PLEKHA7: variants seen among roughly 807,000 people sequenced by gnomAD.
PLEKHA7 encodes the protein pleckstrin homology domain-containing family A member 7.
Under a neutral mutation model 170.0 loss-of-function variants are expected in PLEKHA7, and 104 were observed. The ratio of observed to expected loss-of-function variants is 0.61; its 90% CI spans 0.52 to 0.72. The LOEUF is 0.72. PLEKHA7 is among the 30% of genes least tolerant of loss of function. PLEKHA7 has a pLI of 0.00. For synonymous variants in PLEKHA7, 648 were observed against 660.8 expected (o/e 0.98, Z 0.30); for missense variants, 1,615 against 1,671.7 (o/e 0.97, Z 0.59).
intron 3 of PLEKHA7, among the ~76,000 whole-genome samples, chr11:16,901,671 C>G (rs1857347990): frequency 6.6e-6 from 1 of 152,016 alleles, no homozygotes; most frequent in African/African-American, 2.4e-5. Flanking sequence ...GAGTTCAAGC[C>G]CAGCCTGGAC....
At chr11:16,853,781 G>A (rs966437312) in intron 6 of PLEKHA7, among the ~76,000 whole-genome samples, 1 of 152,142 alleles carries the variant, frequency 6.6e-6, no homozygotes, top group Non-Finnish European at 1.5e-5. Flanking sequence ...CACAAGAGAC[G>A]GTGGTACCAG....
At chr11:16,974,296 CTT>C (rs56340937) in intron 3 of PLEKHA7, among the ~76,000 whole-genome samples, 152 of 134,688 alleles carry the variant, frequency 1.1e-3, no homozygotes, top group Admixed American at 1.4e-3. Context: ...TCAGAGAATT[CTT>C]TTTTTTTTTT....
In PLEKHA7 at chr11:17,014,366, A is replaced by G. The variant is rs1483443946; in HGVS notation, c.36T>C (p.Pro12=). The G allele has an allele frequency of 8.6e-6, 12 of 1,398,282 alleles. No homozygotes were observed. Among genetic ancestry groups the G allele is most frequent in the Non-Finnish European group, 1.1e-5 (12 of 1,065,532 alleles). 86.6% of individuals were successfully genotyped at this position (1,398,282 alleles called of 1,614,324 possible). Residue 12 remains proline (P), a synonymous_variant, in exon 1 of 27, where the codon CCT becomes CCC. Transcript: ENST00000531066. ...AAATVGRDTL[P]EHWSYGVCRD... is the part of the protein sequence containing the mutation. Reference sequence around the variant, plus strand: ...GGCACACCCCGTAGGACCAATGCTCAGGTAAAGTGTCCCGCCCGACCGTCG... The same window carrying G: ...GGCACACCCCGTAGGACCAATGCTCGGGTAAAGTGTCCCGCCCGACCGTCG...
At chr11:16,897,763 TCTAA>T (rs1393415375) in intron 3 of PLEKHA7, among the ~76,000 whole-genome samples, 3 of 152,198 alleles carry the variant, frequency 2.0e-5, no homozygotes, top group Non-Finnish European at 4.4e-5. Context: ...ACTTTATGAC[TCTAA>T]CTAGCTGCAG....
chr11:16,927,079 G>A (rs900753633), intron 3 of PLEKHA7, among the ~76,000 whole-genome samples: 1 of 152,100 alleles, frequency 6.6e-6, no homozygotes, highest in Non-Finnish European at 1.5e-5. Flanking sequence ...AGGCTGAGGC[G>A]GGGGTGGGGG....
intron 4 of PLEKHA7, among the ~76,000 whole-genome samples, chr11:16,866,442 A>C (rs1038477239): frequency 1.2e-4 from 18 of 152,096 alleles, no homozygotes; most frequent in African/African-American, 3.4e-4. Context: ...AAATACAAAA[A>C]TTAGCTGGGT....
chr11:16,883,747 G>A (rs1855875427), intron 3 of PLEKHA7, among the ~76,000 whole-genome samples: 2 of 152,094 alleles, frequency 1.3e-5, no homozygotes, highest in Non-Finnish European at 2.9e-5. Flanking sequence ...ACACTCTTCA[G>A]TATTAATATA....
chr11:16,812,963 G>A (rs216495), intron 13 of PLEKHA7, 150 bp downstream of exon 13: 388,765 of 594,308 alleles, frequency 0.65, 128,835 homozygotes, highest in East Asian at 0.78. Flanking sequence ...AAGAAATAAA[G>A]TTCTTCTGAT....
At position 16,852,874 on chromosome 11, in the gene PLEKHA7, T is replaced by C. The variant is rs187036109; in HGVS notation, c.523-519A>G. ...TCCATTCAATATAAAAGAATTTGGA[T>C]TCTCTTTGCTATCAAATTGTCTCAT... On this transcript the variant is annotated intron_variant, in intron 6 of 26. Coordinates refer to ENST00000531066, the MANE Select transcript of PLEKHA7 (RefSeq NM_001329630.2). Among the ~76,000 whole-genome samples, 114 of 152,362 alleles carry C rather than the reference T, an allele frequency of 7.5e-4. 1 individual carries two copies. Among genetic ancestry groups the C allele is most frequent in the African/African-American group, 2.6e-3 (110 of 41,580 alleles).
At chr11:16,891,735 C>T (rs1856629401) in intron 3 of PLEKHA7, among the ~76,000 whole-genome samples, 1 of 152,116 alleles carries the variant, frequency 6.6e-6, no homozygotes, top group African/African-American at 2.4e-5. Flanking sequence ...GTGTTCACTT[C>T]TAGGAATCAT....
rs763615138 is a variant in PLEKHA7, at chr11:16,891,073, T to TATTCC, written c.222-19892_222-19891insGGAAT. Among the ~76,000 whole-genome samples the TATTCC allele has an allele frequency of 2.7e-3, 405 of 151,754 alleles. 3 individuals carry two copies. The highest frequency in any genetic ancestry group is 0.013 in the South Asian group (62 of 4,796). On this transcript the variant is annotated intron_variant, in intron 3 of 26. Transcript: ENST00000531066. Reference sequence around the variant, plus strand: ...GCCACCATGCTAGACTATTATTCTCTATTCTATTCTATTCTATTCTTTTTA... The same window carrying TATTCC: ...GCCACCATGCTAGACTATTATTCTCTATTCCATTCTATTCTATTCTATTCTTTTTA...
At chr11:16,923,453 C>A (rs1859251157) in intron 3 of PLEKHA7, among the ~76,000 whole-genome samples, 1 of 152,158 alleles carries the variant, frequency 6.6e-6, no homozygotes, top group Non-Finnish European at 1.5e-5. Flanking sequence ...CCCCAACAAA[C>A]CAGGGTTTCA....
chr11:16,787,418 A>G (rs1849473704), intron 23 of PLEKHA7: 1 of 155,360 alleles, frequency 6.4e-6, no homozygotes, highest in Non-Finnish European at 1.4e-5. Context: ...ATGACTCCAA[A>G]TCAATGTAAT....
chr11:16,968,174 G>A (rs567693468), intron 3 of PLEKHA7, among the ~76,000 whole-genome samples: 126 of 152,282 alleles, frequency 8.3e-4, no homozygotes, highest in African/African-American at 2.8e-3. Context: ...ATCCTGAGGG[G>A]TTTGGCAAAC....
chr11:16,992,111 C>G (rs1004860265), intron 3 of PLEKHA7, among the ~76,000 whole-genome samples: 2 of 152,106 alleles, frequency 1.3e-5, no homozygotes, highest in Non-Finnish European at 2.9e-5. Flanking sequence ...CTGGGAGCTG[C>G]GTCTCTGCAG....
intron 3 of PLEKHA7, among the ~76,000 whole-genome samples, chr11:16,950,639 A>C (rs1861349220): frequency 6.6e-6 from 1 of 152,140 alleles, no homozygotes; most frequent in Non-Finnish European, 1.5e-5. Flanking sequence ...GTGGCCCCAC[A>C]GATATCTTAG....
intron 3 of PLEKHA7, among the ~76,000 whole-genome samples, chr11:16,928,883 T>C (rs1172249461): frequency 6.6e-6 from 1 of 152,100 alleles, no homozygotes; most frequent in Admixed American, 6.5e-5. Flanking sequence ...TAGAACCTAA[T>C]CATTGTTTGA....
chr11:16,952,595 C>T (rs1861472967), intron 3 of PLEKHA7, among the ~76,000 whole-genome samples: 1 of 152,074 alleles, frequency 6.6e-6, no homozygotes, highest in Non-Finnish European at 1.5e-5. Context: ...AATTCCCAGA[C>T]TTTCGTCATA....
chr11:16,865,331 C>T (rs920192081), intron 4 of PLEKHA7, among the ~76,000 whole-genome samples: 2 of 152,244 alleles, frequency 1.3e-5, no homozygotes, highest in Admixed American at 1.3e-4. Flanking sequence ...GAAGTGTCCC[C>T]TGGGGGAACA....
Sources: allele counts gnomAD v4.1 joint callset (sites outside exome capture counted in the v4.1 genomes callset), GRCh38; gene constraint gnomAD v4.1.1; transcripts MANE v1.5; gene names NCBI Gene and HGNC (gene_info 2026-07-23, HGNC 2026-07-21).